Variants in EDA2R observed in about 807,000 individuals in gnomAD.
EDA2R encodes ectodysplasin A2 receptor.
Under a neutral mutation model 20.1 loss-of-function variants are expected in EDA2R, and 26 were observed. The ratio of observed to expected loss-of-function variants is 1.30; its 90% confidence interval spans 0.95 to 1.80. The LOEUF (loss-of-function observed/expected upper bound fraction) is 1.80. EDA2R is among the 40% of genes most tolerant of loss of function. EDA2R has a pLI of 0.00. For missense variants in EDA2R, 277 were observed against 228.7 expected (o/e 1.21, Z -1.36); for synonymous variants, 114 against 88.7 (o/e 1.29, Z -1.60).
intron 1 of EDA2R, among the ~76,000 whole-genome samples, chrX:66,630,810 C>CAT (rs1170084504): frequency 1.1e-4 from 7 of 66,310 alleles, no homozygotes; most frequent in South Asian, 1.1e-3. Context: ...TAAAAAGAAT[C>CAT]ATATATATAT....
chrX:66,598,054 G>A lies in EDA2R; in HGVS notation c.*50C>T, dbSNP rs955673110. 1.0e-6 allele frequency: 1 copy of A among 966,647 alleles called. No individual in the cohort carries two copies. The highest frequency in any genetic ancestry group is 2.0e-5 in the African/African-American group (1 of 49,891). The allele number at this position is 966,647 out of a possible 1,213,427, so 79.7% of individuals were successfully genotyped here. A position where few individuals can be genotyped will look rare whatever the true frequency, so the allele number is the denominator to read the frequency against. ...TGTTGTGGTATAGGAACAGAGTCCA[G>A]AGAGAACAACTGGGCAAGGCTGCCA... On this transcript the variant is annotated 3_prime_UTR_variant, in exon 7 of 7. Coordinates refer to ENST00000374719, the MANE Select transcript of EDA2R (RefSeq NM_021783.5).
Position 66,615,976 on chromosome X carries a change from A to T in EDA2R, c.45T>A (p.Cys15Ter). The T allele has an allele frequency of 8.3e-7, 1 of 1,210,810 alleles. No homozygotes were observed. The highest frequency in any genetic ancestry group is 1.1e-6 in the Non-Finnish European group (1 of 894,931). ...CAGGACCACACCGTTGGCAGGTGAC[A>T]CACCGTCCCCATTGGTCCCAGTACT... ...ENEYWDQWGR[C>*]VTCQRCGPGQ... Residue 15 changes from cysteine (C) to a stop codon, truncating the protein, a stop_gained, in exon 2 of 7, where the codon TGT (cysteine) becomes TGA (stop). Coordinates refer to ENST00000374719, the MANE Select transcript of EDA2R (RefSeq NM_021783.5). LOFTEE classifies it high-confidence loss of function.
At chrX:66,601,049 A>T (rs1321121852) in intron 5 of EDA2R, among the ~76,000 whole-genome samples, 1 of 111,846 alleles carries the variant, frequency 8.9e-6, no homozygotes, top group Non-Finnish European at 1.9e-5. Context: ...TATGTGTGTA[A>T]GTCAGTGACT....
chrX:66,605,932 TA>T (rs1929605926), intron 2 of EDA2R, among the ~76,000 whole-genome samples: 1 of 112,211 alleles, frequency 8.9e-6, no homozygotes, highest in Admixed American at 9.4e-5. Context: ...TAGGTCATGG[TA>T]AAAAATGTTT....
chrX:66,613,945 C>G lies in EDA2R; in HGVS notation c.87+1989G>C, dbSNP rs923378898. Among the ~76,000 whole-genome samples, 16 of 111,480 alleles carry G rather than the reference C, an allele frequency of 1.4e-4. No homozygotes were observed. In the Admixed American group the frequency reaches 1.4e-3, roughly 10 times the overall value. ...CCCCTCTTCTTCCTTACTATAAAAACACTGATTTCATTCTAGGTGGCATGA... is the reference window on the plus strand; with the variant it reads ...CCCCTCTTCTTCCTTACTATAAAAAGACTGATTTCATTCTAGGTGGCATGA... On this transcript the variant is annotated intron_variant, in intron 2 of 6. Transcript: ENST00000374719.
intron 2 of EDA2R, among the ~76,000 whole-genome samples, chrX:66,615,633 T>G (rs1931540510): frequency 9.0e-6 from 1 of 111,530 alleles, no homozygotes; most frequent in Non-Finnish European, 1.9e-5. Flanking sequence ...ACCATGTGGT[T>G]GGGCCTTGCT....
chrX:66,597,982 T>C lies in EDA2R; in HGVS notation c.*122A>G. ...GGGATGGGATAGGATATGCCCCATC[T>C]GTAGGGTATTAGCTCTTGTGGACAT... On this transcript the variant is annotated 3_prime_UTR_variant, in exon 7 of 7. Coordinates refer to ENST00000374719, the MANE Select transcript of EDA2R (RefSeq NM_021783.5). 2 of 923,622 alleles carry C rather than the reference T, an allele frequency of 2.2e-6. No homozygotes were observed. Among genetic ancestry groups the C allele is most frequent in the Non-Finnish European group, 2.8e-6 (2 of 718,254 alleles). The allele number at this position is 923,622 out of a possible 1,213,427, so 76.1% of individuals were successfully genotyped here. A position where few individuals can be genotyped will look rare whatever the true frequency, so the allele number is the denominator to read the frequency against.
At chrX:66,617,705 C>T (rs762807639) in intron 1 of EDA2R, among the ~76,000 whole-genome samples, 2 of 110,835 alleles carry the variant, frequency 1.8e-5, no homozygotes, top group Non-Finnish European at 3.8e-5. Context: ...GCTCCACCCC[C>T]CTAATAAACA....
rs368257680 is a variant in EDA2R, at chrX:66,605,243, G to A, written c.88-17C>T. 8.4e-6 allele frequency: 10 copies of A among 1,188,479 alleles called. No homozygotes were observed. The highest frequency in any genetic ancestry group is 1.9e-5 in the South Asian group (1 of 52,848). ...ACCACAATCCTGTAGACAGATGGGG[G>A]TTGTTAATATTGCTTTATAGGAGCT... On this transcript the variant is annotated splice_polypyrimidine_tract_variant and intron_variant, in intron 2 of 6. Coordinates refer to ENST00000374719, the MANE Select transcript of EDA2R (RefSeq NM_021783.5).
At chrX:66,633,033 C>T (rs781092353) in intron 1 of EDA2R, among the ~76,000 whole-genome samples, 1 of 110,836 alleles carries the variant, frequency 9.0e-6, no homozygotes. Flanking sequence ...GAGGTAAAGC[C>T]CCAGCTGGGG....
intron 1 of EDA2R, among the ~76,000 whole-genome samples, chrX:66,636,410 G>A (rs1934327369): frequency 9.0e-6 from 1 of 110,666 alleles, no homozygotes; most frequent in Non-Finnish European, 1.9e-5. Context: ...AGCAGAAGAT[G>A]CAGGGGGATC....
intron 1 of EDA2R, among the ~76,000 whole-genome samples, chrX:66,626,022 C>T (rs1219282698): frequency 9.0e-6 from 1 of 111,645 alleles, no homozygotes; most frequent in East Asian, 2.8e-4. Flanking sequence ...CAACAGCCTT[C>T]AGCCCTAGAC....
At chrX:66,611,199 C>T (rs1930677557) in intron 2 of EDA2R, among the ~76,000 whole-genome samples, 1 of 111,552 alleles carries the variant, frequency 9.0e-6, no homozygotes, top group African/African-American at 3.3e-5. Flanking sequence ...AGGCCAAAAC[C>T]TGTATGCTAA....
At position 66,602,091 on chromosome X, in the gene EDA2R, A is replaced by G. The variant is rs181187483; in HGVS notation, c.517+542T>C. On this transcript the variant is annotated intron_variant, in intron 5 of 6. Coordinates refer to ENST00000374719, the MANE Select transcript of EDA2R (RefSeq NM_021783.5). Reference sequence around the variant, plus strand: ...CCCCATTTGTGAAGTTATTATACTGATAGCAGTGGCCTTAGACCTCAACCA... The same window carrying G: ...CCCCATTTGTGAAGTTATTATACTGGTAGCAGTGGCCTTAGACCTCAACCA... Among the ~76,000 whole-genome samples the G allele has an allele frequency of 5.3e-4, 59 of 111,665 alleles. 1 individual carries two copies. The highest frequency in any genetic ancestry group is 8.6e-4 in the Admixed American group (9 of 10,525).
At chrX:66,614,709 G>A (rs1260650754) in intron 2 of EDA2R, among the ~76,000 whole-genome samples, 1 of 111,593 alleles carries the variant, frequency 9.0e-6, no homozygotes, top group Non-Finnish European at 1.9e-5. Context: ...AAAATACAAA[G>A]GTAGGAATAA....
chrX:66,611,778 C>T (rs1378791866), intron 2 of EDA2R, among the ~76,000 whole-genome samples: 1 of 110,917 alleles, frequency 9.0e-6, no homozygotes, highest in Non-Finnish European at 1.9e-5. Flanking sequence ...TATTTTCAAA[C>T]AAATTGGAAG....
intron 1 of EDA2R, among the ~76,000 whole-genome samples, chrX:66,622,283 T>A (rs1200399340): frequency 9.0e-6 from 1 of 111,504 alleles, no homozygotes; most frequent in Non-Finnish European, 1.9e-5. Context: ...TCAATAGTAA[T>A]CCCCAAATTA....
At chrX:66,633,163 T>C (rs1048933473) in intron 1 of EDA2R, among the ~76,000 whole-genome samples, 8 of 112,337 alleles carry the variant, frequency 7.1e-5, no homozygotes, top group Non-Finnish European at 1.9e-5. Flanking sequence ...TATGAGTCAA[T>C]TGTTTTGCCT....
At chrX:66,627,127 C>A (rs1933174839) in intron 1 of EDA2R, among the ~76,000 whole-genome samples, 1 of 112,032 alleles carries the variant, frequency 8.9e-6, no homozygotes, top group African/African-American at 3.2e-5. Context: ...AGCTCTAAAT[C>A]TTGAAACAAA....
Sources: gnomAD v4.1 joint callset for allele counts (sites outside exome capture counted in the v4.1 genomes callset) on GRCh38, gnomAD v4.1.1 for gene constraint, MANE v1.5 for transcripts, NCBI Gene and HGNC (gene_info 2026-07-23, HGNC 2026-07-21) for gene names.